Variants in MYRIP observed in about 807,000 individuals in gnomAD.
The protein encoded by MYRIP is rab effector MyRIP.
A neutral mutation model predicts 98.0 loss-of-function variants in MYRIP; 49 were observed. The ratio of observed to expected loss-of-function variants is 0.50; its 90% CI spans 0.40 to 0.63. The LOEUF is 0.63. MYRIP is among the 30% of genes least tolerant of loss of function. The pLI, the probability that MYRIP is intolerant of heterozygous loss-of-function variation, is 0.00. For synonymous variants in MYRIP, 404 were observed against 409.5 expected, an observed-to-expected ratio of 0.99 and a Z score of 0.16; for missense variants, 1,004 against 1,058.2, an observed-to-expected ratio of 0.95 and a Z score of 0.71.
chr3:40,047,430 A>T (rs922387207), intron 3 of MYRIP, among the ~76,000 whole-genome samples: 1 of 152,200 alleles, frequency 6.6e-6, no homozygotes, highest in Non-Finnish European at 1.5e-5. Context: ...CCCTTGTTCC[A>T]TTTTTATTTT....
At position 40,056,025 on chromosome 3, in the gene MYRIP, A is replaced by G. The variant is rs561587402; in HGVS notation, c.332+11754A>G. Among the ~76,000 whole-genome samples, 25 of 152,338 alleles carry G rather than the reference A, an allele frequency of 1.6e-4. No individual in the cohort carries two copies. The East Asian group carries it at 3.9e-3, about 23-fold the overall frequency. On this transcript the variant is annotated intron_variant, in intron 3 of 16. Coordinates refer to ENST00000302541, the MANE Select transcript of MYRIP (RefSeq NM_015460.4). ...TTAATTAGTGTACAGAGGGGTTTTGATGTTAACATCTAATTCTTCCCCACT... is the reference window on the plus strand; with the variant it reads ...TTAATTAGTGTACAGAGGGGTTTTGGTGTTAACATCTAATTCTTCCCCACT...
rs573668017 is a variant in MYRIP, at chr3:39,855,406, T to C, written c.-30-45381T>C. Among the ~76,000 whole-genome samples the C allele has an allele frequency of 7.7e-4, 117 of 152,246 alleles. 1 individual carries two copies. The highest frequency in any genetic ancestry group is 2.8e-3 in the African/African-American group (116 of 41,552). ...ATATTGTAAAGCTCCCAAAAGTTTC[T>C]ATGTTTTGTGTTAGGCTACCAGAGC... On this transcript the variant is annotated intron_variant, in intron 1 of 16. Coordinates refer to ENST00000302541, the MANE Select transcript of MYRIP (RefSeq NM_015460.4).
At chr3:39,876,136 C>G (rs1272887855) in intron 1 of MYRIP, among the ~76,000 whole-genome samples, 1 of 152,112 alleles carries the variant, frequency 6.6e-6, no homozygotes, top group African/African-American at 2.4e-5. Flanking sequence ...GGTTTAAAGT[C>G]TGTTTTATCA....
intron 2 of MYRIP, among the ~76,000 whole-genome samples, chr3:39,904,700 T>A (rs188625444): frequency 6.6e-6 from 1 of 152,270 alleles, no homozygotes; most frequent in Admixed American, 6.5e-5. Flanking sequence ...TATCCCCCAC[T>A]GTCTGCTACA....
At chr3:40,054,407 C>T (rs1947845136) in intron 3 of MYRIP, among the ~76,000 whole-genome samples, 1 of 152,048 alleles carries the variant, frequency 6.6e-6, no homozygotes, top group South Asian at 2.1e-4. Context: ...GCATAAGGGA[C>T]TATGATGGTT....
intron 2 of MYRIP, among the ~76,000 whole-genome samples, chr3:39,935,542 T>C (rs1452707721): frequency 1.3e-5 from 2 of 152,126 alleles, no homozygotes; most frequent in Non-Finnish European, 1.5e-5. Flanking sequence ...GGACCTTGGC[T>C]CATGTTTCCA....
chr3:39,961,263 G>A (rs1451109128), intron 2 of MYRIP, among the ~76,000 whole-genome samples: 1 of 151,972 alleles, frequency 6.6e-6, no homozygotes, highest in Non-Finnish European at 1.5e-5. Context: ...CAGGTGGAAG[G>A]GAAATGGTAG....
At chr3:40,189,044 C>G (rs1467879180) in intron 9 of MYRIP, among the ~76,000 whole-genome samples, 3 of 152,234 alleles carry the variant, frequency 2.0e-5, no homozygotes, top group Non-Finnish European at 2.9e-5. Context: ...CTGAGAACTG[C>G]TCCAGCTGTC....
intron 3 of MYRIP, among the ~76,000 whole-genome samples, chr3:40,052,264 C>T (rs1438055180): frequency 1.3e-5 from 2 of 151,950 alleles, no homozygotes; most frequent in Non-Finnish European, 2.9e-5. Flanking sequence ...TTTTAGCGCC[C>T]ACATATGAAT....
At chr3:40,032,680 CA>C (rs1263572214) in intron 2 of MYRIP, among the ~76,000 whole-genome samples, 1 of 152,074 alleles carries the variant, frequency 6.6e-6, no homozygotes, top group Non-Finnish European at 1.5e-5. Flanking sequence ...GAAACTATTC[CA>C]ATCAGTAGAA....
rs573556088 is a variant in MYRIP, at chr3:39,950,644, C to T, written c.110+49718C>T. ...TTTCCATTTGTTCTTTTATCCTGAG[C>T]TTCTTCACAGCGTGATGGCCTCCGG... On this transcript the variant is annotated intron_variant, in intron 2 of 16. Transcript: ENST00000302541. Among the ~76,000 whole-genome samples the T allele has an allele frequency of 8.2e-4, 125 of 152,240 alleles. 1 individual carries two copies. Among genetic ancestry groups the T allele is most frequent in the African/African-American group, 3.0e-3 (123 of 41,536 alleles).
intron 1 of MYRIP, among the ~76,000 whole-genome samples, chr3:39,835,033 C>T (rs887583475): frequency 2.0e-5 from 3 of 152,078 alleles, no homozygotes; most frequent in Non-Finnish European, 4.4e-5. Context: ...AATTTATTCT[C>T]TACTTCCATG....
At chr3:40,130,417 G>A (rs1398087428) in intron 3 of MYRIP, among the ~76,000 whole-genome samples, 2 of 149,860 alleles carry the variant, frequency 1.3e-5, no homozygotes, top group East Asian at 3.9e-4. Flanking sequence ...TCGCTCTGTG[G>A]CCCAGGCGGG....
intron 2 of MYRIP, among the ~76,000 whole-genome samples, chr3:39,932,357 A>G (rs1450692156): frequency 6.6e-6 from 1 of 151,018 alleles, no homozygotes; most frequent in Non-Finnish European, 1.5e-5. Flanking sequence ...TCCTGCACCC[A>G]CAAAATGAGT....
At chr3:40,203,594 G>A (rs1000979111) in intron 10 of MYRIP, among the ~76,000 whole-genome samples, 16 of 146,668 alleles carry the variant, frequency 1.1e-4, no homozygotes, top group East Asian at 1.0e-3. Flanking sequence ...GTATTCTATC[G>A]TTAAGTGTTT....
At chr3:40,076,165 T>C (rs925151511) in intron 3 of MYRIP, among the ~76,000 whole-genome samples, 1 of 152,188 alleles carries the variant, frequency 6.6e-6, no homozygotes, top group African/African-American at 2.4e-5. Flanking sequence ...GATTGCACTA[T>C]TGCTTTCCAG....
chr3:39,853,142 TACTC>T (rs1489244874), intron 1 of MYRIP, among the ~76,000 whole-genome samples: 2 of 152,234 alleles, frequency 1.3e-5, no homozygotes, highest in African/African-American at 2.4e-5. Context: ...ACATTTTCTT[TACTC>T]ACTCATTGGT....
Position 39,941,461 on chromosome 3 carries a change from G to C in MYRIP, c.110+40535G>C, listed in dbSNP as rs187711724. ...AGAGGACAAACATCCAAACTATATC[G>C]GGAGGAAATACAGTCTTTTAAAAAT... is the stretch of plus-strand genomic sequence containing the variant. On this transcript the variant is annotated intron_variant, in intron 2 of 16. Transcript: ENST00000302541. Among the ~76,000 whole-genome samples the C allele has an allele frequency of 9.2e-5, 14 of 151,706 alleles. No homozygotes were observed. The East Asian group carries it at 2.5e-3, about 28-fold the overall frequency.
intron 1 of MYRIP, among the ~76,000 whole-genome samples, chr3:39,888,720 A>G (rs1943388842): frequency 6.6e-6 from 1 of 152,198 alleles, no homozygotes; most frequent in South Asian, 2.1e-4. Flanking sequence ...AGCAAAAGAA[A>G]CTACCATCAG....
Sources: gnomAD v4.1 joint callset for allele counts (sites outside exome capture counted in the v4.1 genomes callset) on GRCh38, gnomAD v4.1.1 for gene constraint, MANE v1.5 for transcripts, NCBI Gene and HGNC (gene_info 2026-07-23, HGNC 2026-07-21) for gene names.